Variants in HMGA2 observed in about 807,000 individuals in gnomAD.
HMGA2 encodes high mobility group protein HMGI-C.
A neutral mutation model predicts 19.1 loss-of-function variants in HMGA2; 8 were observed. The observed-to-expected ratio is 0.42, with a 90% CI of 0.25 to 0.76. The LOEUF is 0.76. Among genes scored for constraint, HMGA2 ranks in the 30% least tolerant of loss-of-function variants. HMGA2 has a pLI of 0.28. For missense variants in HMGA2, 109 were observed against 136.3 expected (o/e 0.80, Z 1.00); for synonymous variants, 60 against 48.8 (o/e 1.23, Z -0.96).
intron 3 of HMGA2, among the ~76,000 whole-genome samples, chr12:65,937,773 A>G (rs891921806): frequency 6.6e-6 from 1 of 152,222 alleles, no homozygotes; most frequent in Non-Finnish European, 1.5e-5. Flanking sequence ...GAACAATTTG[A>G]CAAAGGCAAA....
chr12:65,865,042 C>T (rs1383305), intron 3 of HMGA2, among the ~76,000 whole-genome samples: 21,169 of 152,112 alleles, frequency 0.14, 2,688 homozygotes, highest in African/African-American at 0.32. Flanking sequence ...GCCTCCTCAA[C>T]ATGAAGACAG....
chr12:65,824,718 TCTCTC>T lies in HMGA2; in HGVS notation c.-552_-548del. 1.8e-5 allele frequency: 1 copy of T among 56,648 alleles called. No homozygotes were observed. Among genetic ancestry groups the T allele is most frequent in the African/African-American group, 5.5e-5 (1 of 18,190 alleles). 3.5% of individuals were successfully genotyped at this position (56,648 alleles called of 1,614,324 possible). The stretch of plus-strand genomic sequence containing the variant: ...GCACTTTCAATCTCAATCTCTTCTC[TCTCTC>T]TCTCTCTCTCTCTCTCTCTCTCTCT... On this transcript the variant is annotated 5_prime_UTR_variant, in exon 1 of 5. Coordinates refer to ENST00000403681, the MANE Select transcript of HMGA2 (RefSeq NM_003483.6).
At position 65,839,330 on chromosome 12, in the gene HMGA2, A is replaced by G. The variant is rs1043831389; in HGVS notation, c.249+761A>G. Among the ~76,000 whole-genome samples, 7 of 152,224 alleles carry G rather than the reference A, an allele frequency of 4.6e-5. No individual in the cohort carries two copies. In the East Asian group the frequency reaches 1.4e-3, roughly 29 times the overall value. On this transcript the variant is annotated intron_variant, in intron 3 of 4. Transcript: ENST00000403681. ...TCTGGTCTGTCTTTCCCACTGACGG[A>G]GAAAAGAAGTCCTAAAAATGAATGA...
At chr12:65,898,991 C>T (rs112717745) in intron 3 of HMGA2, among the ~76,000 whole-genome samples, 7,600 of 129,382 alleles carry the variant, frequency 0.059, 257 homozygotes, top group Middle Eastern at 0.11. Context: ...TTGCAGTAAG[C>T]GGAGATCGTG....
chr12:65,860,535 T>C (rs1369173114), intron 3 of HMGA2, among the ~76,000 whole-genome samples: 1 of 152,252 alleles, frequency 6.6e-6, no homozygotes, highest in Admixed American at 6.5e-5. Flanking sequence ...TTTACCAGTT[T>C]TGTAAACTCC....
At chr12:65,869,072 C>T (rs1334217798) in intron 3 of HMGA2, among the ~76,000 whole-genome samples, 2 of 152,122 alleles carry the variant, frequency 1.3e-5, no homozygotes, top group African/African-American at 4.8e-5. Context: ...AACCCCTTTG[C>T]AAAACTCTCA....
intron 3 of HMGA2, among the ~76,000 whole-genome samples, chr12:65,896,200 T>G (rs926928141): frequency 1.3e-5 from 2 of 152,194 alleles, no homozygotes; most frequent in Non-Finnish European, 2.9e-5. Context: ...AAATGTTCAT[T>G]GCATCTGAGA....
intron 3 of HMGA2, chr12:65,842,072 G>C: frequency 7.8e-7 from 1 of 1,285,568 alleles, no homozygotes; most frequent in African/African-American, 1.5e-5. Flanking sequence ...TCATGTGTGT[G>C]CGTGTGTGTG....
intron 3 of HMGA2, among the ~76,000 whole-genome samples, chr12:65,946,993 T>C (rs57254392): frequency 0.036 from 5,442 of 152,314 alleles, 341 homozygotes; most frequent in African/African-American, 0.12. Flanking sequence ...ATACTTTCAA[T>C]TGTGGCTGAG....
At chr12:65,900,661 T>G (rs1368690320) in intron 3 of HMGA2, among the ~76,000 whole-genome samples, 1 of 152,198 alleles carries the variant, frequency 6.6e-6, no homozygotes, top group Admixed American at 6.5e-5. Context: ...TTTTTTCTTG[T>G]TCTCTAAAAG....
At chr12:65,956,571 G>A (rs905006181) in intron 4 of HMGA2, 22 of 152,144 alleles carry the variant, frequency 1.4e-4, no homozygotes, top group African/African-American at 4.1e-4. Flanking sequence ...TGAAGTCAGC[G>A]GTTCTTGGCA....
chr12:65,838,407 C>T (rs1382909133), intron 2 of HMGA2, 112 bp from the exon 3 acceptor site: 2 of 690,896 alleles, frequency 2.9e-6, no homozygotes, highest in Non-Finnish European at 4.9e-6. Flanking sequence ...AAAAAAAAAA[C>T]CGATACGTCA....
chr12:65,944,671 C>T lies in HMGA2; in HGVS notation c.250-6712C>T, dbSNP rs149920392. Among the ~76,000 whole-genome samples, 436 of 152,234 alleles carry T rather than the reference C, an allele frequency of 2.9e-3. 3 individuals are homozygous for T. Among genetic ancestry groups the T allele is most frequent in the African/African-American group, 9.9e-3 (413 of 41,530 alleles). On this transcript the variant is annotated intron_variant, in intron 3 of 4. Transcript: ENST00000403681. ...AAATTACCTTACTGAATTAGAAAGA[C>T]CTTATCTTGATTGTATGGGATTAAA... is the stretch of plus-strand genomic sequence containing the variant.
At chr12:65,834,618 C>A (rs541726709) in intron 2 of HMGA2, among the ~76,000 whole-genome samples, 192 of 148,154 alleles carry the variant, frequency 1.3e-3, no homozygotes, top group Non-Finnish European at 2.0e-3. Flanking sequence ...CTCCGTTCCT[C>A]CCTGCCTCTC....
intron 3 of HMGA2, among the ~76,000 whole-genome samples, chr12:65,888,890 G>A (rs1411035599): frequency 6.6e-6 from 1 of 151,898 alleles, no homozygotes. Flanking sequence ...TTATGACAAT[G>A]ATGACATAGG....
At chr12:65,869,081 C>G (rs2121024432) in intron 3 of HMGA2, among the ~76,000 whole-genome samples, 1 of 152,286 alleles carries the variant, frequency 6.6e-6, no homozygotes, top group African/African-American at 2.4e-5. Flanking sequence ...GCAAAACTCT[C>G]AACTGATGAA....
intron 3 of HMGA2, among the ~76,000 whole-genome samples, chr12:65,882,699 G>C (rs1241498901): frequency 6.6e-6 from 1 of 152,228 alleles, no homozygotes; most frequent in Non-Finnish European, 1.5e-5. Flanking sequence ...AATTAAATGA[G>C]AAAGCATAAA....
At chr12:65,845,119 T>G (rs1401389575) in intron 3 of HMGA2, among the ~76,000 whole-genome samples, 1 of 152,198 alleles carries the variant, frequency 6.6e-6, no homozygotes, top group Non-Finnish European at 1.5e-5. Context: ...TCTAAAAGGT[T>G]GGAAATCCCC....
intron 3 of HMGA2, chr12:65,877,090 A>G (rs935552882): frequency 1.3e-5 from 2 of 152,262 alleles, no homozygotes; most frequent in African/African-American, 4.8e-5. Context: ...ACACCTTGTC[A>G]CATTCTTGCT....
Sources: allele counts gnomAD v4.1 joint callset (sites outside exome capture counted in the v4.1 genomes callset), GRCh38; gene constraint gnomAD v4.1.1; transcripts MANE v1.5; gene names NCBI Gene and HGNC (gene_info 2026-07-23, HGNC 2026-07-21).